The following DIS3L2 variants were observed in gnomAD, a reference collection of about 807,000 sequenced individuals.
The protein encoded by DIS3L2 is DIS3-like exonuclease 2.
In DIS3L2, 34 loss-of-function variants were observed where a neutral mutation model predicts 97.5. That is an observed-to-expected ratio of 0.35 (90% CI 0.27 to 0.46). The LOEUF (loss-of-function observed/expected upper bound fraction) is 0.46, where lower values mean the gene tolerates loss of function less well. DIS3L2 is among the 20% of genes least tolerant of loss of function. The pLI, the probability that DIS3L2 is intolerant of heterozygous loss-of-function variation, is 1.00. For missense variants in DIS3L2, 1,038 were observed against 1,146.0 expected (o/e 0.91, Z 1.36); for synonymous variants, 435 against 445.2 (o/e 0.98, Z 0.29).
chr2:232,085,626 A>T (rs542002979), intron 5 of DIS3L2, among the ~76,000 whole-genome samples: 1 of 152,256 alleles, frequency 6.6e-6, no homozygotes, highest in Non-Finnish European at 1.5e-5. Context: ...ACATCCAAGA[A>T]CCTACAAAAT....
intron 9 of DIS3L2, among the ~76,000 whole-genome samples, chr2:232,197,515 T>A (rs1234044551): frequency 6.6e-6 from 1 of 152,178 alleles, no homozygotes; most frequent in Non-Finnish European, 1.5e-5. Flanking sequence ...GGATGGAGAT[T>A]TTCAGGTTGA....
intron 5 of DIS3L2, among the ~76,000 whole-genome samples, chr2:232,032,053 T>TTTCTAG (rs1488632612): frequency 6.6e-6 from 1 of 152,232 alleles, no homozygotes; most frequent in African/African-American, 2.4e-5. Context: ...TCAAATGGTA[T>TTTCTAG]TTCTAGTTCT....
intron 10 of DIS3L2, among the ~76,000 whole-genome samples, chr2:232,217,073 CTT>C (rs1055933648): frequency 7.2e-5 from 11 of 152,172 alleles, no homozygotes; most frequent in Non-Finnish European, 1.5e-4. Context: ...GAACTCCTGA[CTT>C]TGTGATCCGC....
chr2:232,325,583 C>T lies in DIS3L2; in HGVS notation c.1740-4230C>T, dbSNP rs1361753072. 2.0e-5 allele frequency among the ~76,000 whole-genome samples: 3 copies of T among 152,148 alleles called. No homozygotes were observed. The highest frequency in any genetic ancestry group is 2.9e-5 in the Non-Finnish European group (2 of 68,020). ...AGGAGCTGGGGTCCTGGCCCTGCAG[C>T]CACTGTCACAGCACAGCCCCACCCC... On this transcript the variant is annotated intron_variant, in intron 14 of 20. Transcript: ENST00000325385. The surrounding 1 kb of genome is among the most constrained non-coding windows in gnomAD (Gnocchi z 4.6).
intron 8 of DIS3L2, among the ~76,000 whole-genome samples, chr2:232,147,159 T>G (rs1690240942): frequency 6.6e-6 from 1 of 152,138 alleles, no homozygotes; most frequent in South Asian, 2.1e-4. Context: ...TAAATAGGAA[T>G]GGGGTCTTGC....
chr2:232,133,841 A>T (rs1433728828), intron 7 of DIS3L2, among the ~76,000 whole-genome samples: 3 of 151,886 alleles, frequency 2.0e-5, no homozygotes, highest in Non-Finnish European at 4.4e-5. Context: ...TACAAAAATT[A>T]GCTGGGCGTG....
At chr2:232,338,040 G>T (rs1012842240), downstream of DIS3L2, among the ~76,000 whole-genome samples, 1 of 151,594 alleles carries the variant, frequency 6.6e-6, no homozygotes, top group Non-Finnish European at 1.5e-5. Context: ...TATCTGCAGG[G>T]ACAGACAGGC....
chr2:232,044,526 G>A (rs1276491562), intron 5 of DIS3L2, among the ~76,000 whole-genome samples: 2 of 152,092 alleles, frequency 1.3e-5, no homozygotes, highest in East Asian at 3.9e-4. Flanking sequence ...AGTTAGGGTA[G>A]GATGATAAAC....
intron 13 of DIS3L2, among the ~76,000 whole-genome samples, chr2:232,296,682 A>G (rs1014271603): frequency 6.6e-6 from 1 of 152,116 alleles, no homozygotes; most frequent in Admixed American, 6.5e-5. Context: ...GCCTTCCACC[A>G]TGATTGTGAG....
intron 5 of DIS3L2, among the ~76,000 whole-genome samples, chr2:232,080,466 T>C (rs1696353795): frequency 6.6e-6 from 1 of 152,212 alleles, no homozygotes; most frequent in South Asian, 2.1e-4. Context: ...CATCATTTCA[T>C]CCCTGAATAC....
In DIS3L2 at chr2:232,157,962, C is replaced by T. The variant is rs776172015; in HGVS notation, c.951-5497C>T. The stretch of plus-strand genomic sequence containing the variant: ...TGGAGCACAAATAGTTATACCCTGT[C>T]TGGACTCATTTCAGTGGGCCCATTT... On this transcript the variant is annotated intron_variant, in intron 8 of 20. Transcript: ENST00000325385. Among the ~76,000 whole-genome samples, 79 of 152,308 alleles carry T rather than the reference C, an allele frequency of 5.2e-4. 1 individual carries two copies. Among genetic ancestry groups the T allele is most frequent in the South Asian group, 1.4e-3 (7 of 4,830 alleles).
At chr2:232,190,531 AT>A (rs1691587166) in intron 9 of DIS3L2, among the ~76,000 whole-genome samples, 1 of 152,030 alleles carries the variant, frequency 6.6e-6, no homozygotes, top group Non-Finnish European at 1.5e-5. Flanking sequence ...AAATTTGGAT[AT>A]TTTGTGCTTA....
At position 232,337,181 on chromosome 2, in the gene DIS3L2, AT is replaced by A; in HGVS notation, c.*553del. 9.0e-6 allele frequency: 9 copies of A among 995,696 alleles called. No individual in the cohort carries two copies. Among genetic ancestry groups the A allele is most frequent in the Non-Finnish European group, 1.1e-5 (9 of 837,778 alleles). The allele number at this position is 995,696 out of a possible 1,614,324, so 61.7% of individuals were successfully genotyped here. A position where few individuals can be genotyped will look rare whatever the true frequency, so the allele number is the denominator to read the frequency against. Reference sequence around the variant, plus strand: ...CTCATTCTGCCTGATTAAAAATGGAATTAGTATGCAACACTGAGAGCGCCCC... The same window carrying A: ...CTCATTCTGCCTGATTAAAAATGGAATAGTATGCAACACTGAGAGCGCCCC... On this transcript the variant is annotated 3_prime_UTR_variant, in exon 21 of 21. Transcript: ENST00000325385.
intron 12 of DIS3L2, among the ~76,000 whole-genome samples, chr2:232,261,640 A>G (rs1693714613): frequency 6.6e-6 from 1 of 152,180 alleles, no homozygotes; most frequent in South Asian, 2.1e-4. Context: ...TACATGCCTT[A>G]AACCTTTGCA....
intron 1 of DIS3L2, among the ~76,000 whole-genome samples, chr2:231,975,532 C>T (rs1233625985): frequency 2.6e-5 from 4 of 151,602 alleles, no homozygotes; most frequent in Admixed American, 6.6e-5. Flanking sequence ...GAAACTCCAT[C>T]TCTACTAAAA....
chr2:232,342,278 T>C (rs921889828), intron 13 of DIS3L2, among the ~76,000 whole-genome samples: 4 of 151,958 alleles, frequency 2.6e-5, no homozygotes, highest in Non-Finnish European at 5.9e-5. Context: ...TATACATATA[T>C]ACACATATAT....
chr2:232,185,550 C>G (rs762254471), intron 9 of DIS3L2, among the ~76,000 whole-genome samples: 1 of 152,042 alleles, frequency 6.6e-6, no homozygotes, highest in African/African-American at 2.4e-5. Context: ...TAAAGAAGAG[C>G]AAGGCTGGGC....
At chr2:231,978,819 TA>T (rs1215774343) in intron 1 of DIS3L2, 6 of 152,246 alleles carry the variant, frequency 3.9e-5, no homozygotes, top group Admixed American at 2.0e-4. Context: ...GCTTTAAGAA[TA>T]TTCACACCTG....
chr2:232,247,091 C>T (rs62199209), intron 11 of DIS3L2, among the ~76,000 whole-genome samples: 26,050 of 152,124 alleles, frequency 0.17, 2,941 homozygotes, highest in Non-Finnish European at 0.24. Flanking sequence ...AAGATACTGC[C>T]GTGAACACTT....
Sources: gnomAD v4.1 joint callset for allele counts (sites outside exome capture counted in the v4.1 genomes callset) on GRCh38, gnomAD v4.1.1 for gene constraint, Gnocchi (gnomAD v3.1) non-coding constraint, MANE v1.5 for transcripts, NCBI Gene and HGNC (gene_info 2026-07-23, HGNC 2026-07-21) for gene names.